Variants in SYT16 observed in about 807,000 individuals in gnomAD.
SYT16 encodes the protein synaptotagmin 16.
Under a neutral mutation model 61.4 loss-of-function variants are expected in SYT16, and 42 were observed. That is an observed-to-expected ratio of 0.68 (90% CI 0.53 to 0.89). SYT16 has a LOEUF of 0.89. Among genes scored for constraint, SYT16 ranks in the 40% least tolerant of loss-of-function variants. SYT16 has a pLI of 0.00. For missense variants in SYT16, 804 were observed against 807.3 expected (o/e 1.00, Z 0.05); for synonymous variants, 314 against 302.3 (o/e 1.04, Z -0.40).
chr14:61,981,774 A>G (rs970924530), intron 2 of SYT16, among the ~76,000 whole-genome samples: 1 of 152,116 alleles, frequency 6.6e-6, no homozygotes, highest in Non-Finnish European at 1.5e-5. Context: ...CATTTGACAG[A>G]CCTGTGCACG....
intron 1 of SYT16, among the ~76,000 whole-genome samples, chr14:61,915,612 C>T (rs925988163): frequency 2.0e-5 from 3 of 152,030 alleles, no homozygotes; most frequent in African/African-American, 7.2e-5. Context: ...ATTAGGTATA[C>T]CTTTTTACTT....
intron 3 of SYT16, among the ~76,000 whole-genome samples, chr14:62,037,929 T>C (rs773559312): frequency 1.3e-5 from 2 of 152,286 alleles, no homozygotes; most frequent in South Asian, 4.1e-4. Context: ...TAGCCAGGCA[T>C]GGGCAGAGGT....
chr14:61,857,203 C>G (rs1006215936), intron 1 of SYT16, among the ~76,000 whole-genome samples: 2 of 152,190 alleles, frequency 1.3e-5, no homozygotes, highest in Non-Finnish European at 1.5e-5. Flanking sequence ...CCACAATTTT[C>G]TGCTCAGACA....
At chr14:61,894,664 G>A (rs902164779) in intron 1 of SYT16, among the ~76,000 whole-genome samples, 1 of 152,158 alleles carries the variant, frequency 6.6e-6, no homozygotes, top group Non-Finnish European at 1.5e-5. Context: ...GTGCCGCTAG[G>A]TGGCGTGATT....
rs190199857 is a variant in SYT16 at position 62,103,286 on chromosome 14, T to C, written c.*2579T>C. ...AAAAGAGTTATGAAAGATAATTAGT[T>C]GGTTCTGCAGTAAAAAACTGCTTTT... On this transcript the variant is annotated 3_prime_UTR_variant, in exon 8 of 8. Coordinates refer to ENST00000683842, the MANE Select transcript of SYT16 (RefSeq NM_001367656.1). 1.3e-5 allele frequency: 2 copies of C among 152,352 alleles called. No homozygotes were observed. The highest frequency in any genetic ancestry group is 3.9e-4 in the East Asian group (2 of 5,192). The allele number at this position is 152,352 out of a possible 1,614,324, so 9.4% of individuals were successfully genotyped here.
intron 1 of SYT16, among the ~76,000 whole-genome samples, chr14:61,941,246 C>T (rs1448741380): frequency 1.3e-5 from 2 of 152,282 alleles, no homozygotes; most frequent in Non-Finnish European, 2.9e-5. Flanking sequence ...TTACCAGTCA[C>T]TAGCTATCCC....
At chr14:61,816,778 G>A (rs1214752739) in intron 1 of SYT16, among the ~76,000 whole-genome samples, 5 of 152,058 alleles carry the variant, frequency 3.3e-5, no homozygotes, top group Non-Finnish European at 5.9e-5. Flanking sequence ...TTGGGAGGCC[G>A]AGGCGGACGG....
chr14:62,065,299 T>C (rs2056014295), intron 3 of SYT16, among the ~76,000 whole-genome samples: 1 of 152,224 alleles, frequency 6.6e-6, no homozygotes. Context: ...ATTTGTTGCC[T>C]TATGACAAGT....
At chr14:61,908,517 A>T (rs1485053067) in intron 1 of SYT16, among the ~76,000 whole-genome samples, 1 of 152,170 alleles carries the variant, frequency 6.6e-6, no homozygotes, top group East Asian at 1.9e-4. Flanking sequence ...ACTTAATGGG[A>T]TTCATTTAAT....
intron 2 of SYT16, among the ~76,000 whole-genome samples, chr14:61,986,782 C>T (rs2052335392): frequency 6.6e-6 from 1 of 152,196 alleles, no homozygotes; most frequent in African/African-American, 2.4e-5. Flanking sequence ...ACTGTAGAAA[C>T]ATGCAAAATG....
chr14:61,975,428 T>C (rs1294991110), intron 2 of SYT16, among the ~76,000 whole-genome samples: 2 of 152,178 alleles, frequency 1.3e-5, no homozygotes, highest in Non-Finnish European at 2.9e-5. Context: ...CTGGGTAATT[T>C]ATAAATAAAA....
At chr14:62,002,717 C>T (rs1430196580) in intron 3 of SYT16, among the ~76,000 whole-genome samples, 2 of 152,106 alleles carry the variant, frequency 1.3e-5, no homozygotes, top group Admixed American at 6.6e-5. Context: ...CTCACCTTAA[C>T]GTGTCTTTAC....
chr14:62,085,410 G>A (rs1026949631), intron 7 of SYT16, among the ~76,000 whole-genome samples: 18 of 152,138 alleles, frequency 1.2e-4, no homozygotes, highest in Admixed American at 1.0e-3. Context: ...AAACTAGAAG[G>A]GAGTAGAGTA....
At chr14:62,069,514 GTTC>G (rs1190051283) in intron 3 of SYT16, 86 bp from the exon 4 acceptor site, 16 of 1,306,452 alleles carry the variant, frequency 1.2e-5, no homozygotes, top group Non-Finnish European at 1.6e-5. Flanking sequence ...CATTGTCCAC[GTTC>G]TTCTCTTCTG....
intron 1 of SYT16, chr14:61,831,854 G>A (rs76349141): frequency 4.6e-6 from 2 of 430,814 alleles, no homozygotes; most frequent in African/African-American, 4.1e-5. Context: ...AAGCAGGACA[G>A]CATCTCTCAC....
chr14:61,905,765 TTTTTTTTTTTG>T (rs2048683138), intron 1 of SYT16, among the ~76,000 whole-genome samples: 2 of 151,034 alleles, frequency 1.3e-5, no homozygotes, highest in African/African-American at 4.8e-5. Context: ...CTTCTTCTTT[TTTTTTTTTTTG>T]GGGATAAATC....
At chr14:61,888,849 T>C (rs1181845527) in intron 1 of SYT16, among the ~76,000 whole-genome samples, 1 of 151,820 alleles carries the variant, frequency 6.6e-6, no homozygotes, top group Non-Finnish European at 1.5e-5. Context: ...TATTTTTTTC[T>C]AAAAAGGTAC....
intron 3 of SYT16, among the ~76,000 whole-genome samples, chr14:62,056,152 A>G (rs759896716): frequency 1.6e-4 from 25 of 152,162 alleles, no homozygotes; most frequent in Non-Finnish European, 2.9e-4. Context: ...TCAACGTAAA[A>G]TAGATGTGAC....
intron 1 of SYT16, among the ~76,000 whole-genome samples, chr14:61,949,922 G>A (rs554055377): frequency 1.2e-3 from 183 of 152,200 alleles, no homozygotes; most frequent in African/African-American, 4.0e-3. Context: ...TTTGTAACAC[G>A]GTGCCTGCAA....
Sources: gnomAD v4.1 joint callset for allele counts (sites outside exome capture counted in the v4.1 genomes callset) on GRCh38, gnomAD v4.1.1 for gene constraint, MANE v1.5 for transcripts, NCBI Gene and HGNC (gene_info 2026-07-23, HGNC 2026-07-21) for gene names.